The following SLC4A4 variants were observed in gnomAD, a reference collection of about 807,000 sequenced individuals.
SLC4A4 encodes the protein solute carrier family 4 member 4, also known as electrogenic sodium bicarbonate cotransporter 1.
SLC4A4 carries 27 observed loss-of-function variants against 111.5 expected under a neutral mutation model. The observed-to-expected ratio is 0.24, with a 90% CI of 0.18 to 0.33. SLC4A4 has a LOEUF of 0.33. Ranked by LOEUF, SLC4A4 falls within the 10% of genes least tolerant of loss-of-function variation. The pLI is 1.00. For synonymous variants in SLC4A4, 443 were observed against 463.4 expected (o/e 0.96, Z 0.57); for missense variants, 909 against 1,315.5 (o/e 0.69, Z 4.78).
chr4:71,427,715 G>A (rs1188691361), intron 7 of SLC4A4, among the ~76,000 whole-genome samples: 2 of 151,982 alleles, frequency 1.3e-5, no homozygotes, highest in East Asian at 1.9e-4. Flanking sequence ...CTGGCATTTG[G>A]GTTAGGGGCA....
At chr4:71,145,748 G>T (rs572268948) in intron 2 of SLC4A4, among the ~76,000 whole-genome samples, 2 of 152,260 alleles carry the variant, frequency 1.3e-5, no homozygotes, top group African/African-American at 2.4e-5. Flanking sequence ...GGTGTTTATA[G>T]TATTCTCTGA....
intron 6 of SLC4A4, among the ~76,000 whole-genome samples, chr4:71,376,156 T>TACACACACACACACACACAC (rs146405766): frequency 5.9e-5 from 8 of 135,520 alleles, no homozygotes; most frequent in Non-Finnish European, 3.1e-5. Flanking sequence ...CCTGTATATA[T>TACACACACACACACACACAC]ACACACACAC....
At chr4:71,359,966 G>A (rs531150344) in intron 6 of SLC4A4, among the ~76,000 whole-genome samples, 3 of 152,256 alleles carry the variant, frequency 2.0e-5, no homozygotes, top group African/African-American at 7.2e-5. Flanking sequence ...TCATTTCATG[G>A]TAGTGTACTG....
chr4:71,519,360 G>A (rs541341397), intron 16 of SLC4A4, among the ~76,000 whole-genome samples: 3 of 152,272 alleles, frequency 2.0e-5, no homozygotes, highest in Admixed American at 1.3e-4. Context: ...CTCAGTCATT[G>A]ATAAATATTG....
At position 71,432,457 on chromosome 4, in the gene SLC4A4, A is replaced by T. The variant is rs74897264; in HGVS notation, c.808-8159A>T. On this transcript the variant is annotated intron_variant, in intron 7 of 25. Transcript: ENST00000264485. ...TTAGGTAATAATAACAGTCTTGGCA[A>T]CTTGATGTTTTTTTAGGCCCTTCCC... Among the ~76,000 whole-genome samples the T allele has an allele frequency of 1.2e-4, 19 of 152,238 alleles. No homozygotes were observed. The East Asian group carries it at 3.7e-3, about 29-fold the overall frequency.
intron 3 of SLC4A4, among the ~76,000 whole-genome samples, chr4:71,273,176 A>G (rs553778123): frequency 6.6e-6 from 1 of 152,338 alleles, no homozygotes; most frequent in East Asian, 1.9e-4. Context: ...AATGTAGAGA[A>G]GTGAGTAATG....
chr4:71,437,060 T>C (rs1407283219), intron 7 of SLC4A4: 3 of 402,910 alleles, frequency 7.4e-6, no homozygotes, highest in African/African-American at 2.1e-5. Context: ...ATTTTAACTA[T>C]CTCATAGCCA....
At chr4:71,349,216 A>T (rs1481905225) in intron 4 of SLC4A4, among the ~76,000 whole-genome samples, 3 of 152,194 alleles carry the variant, frequency 2.0e-5, no homozygotes, top group Admixed American at 2.0e-4. Flanking sequence ...GGTTAATAGG[A>T]TATCTCATAT....
At chr4:71,407,996 T>C (rs1245751163) in intron 7 of SLC4A4, among the ~76,000 whole-genome samples, 1 of 152,222 alleles carries the variant, frequency 6.6e-6, no homozygotes, top group Non-Finnish European at 1.5e-5. Flanking sequence ...TTTAGTCTGA[T>C]AAATGCACAT....
chr4:71,483,202 C>T (rs1405894122), intron 14 of SLC4A4, among the ~76,000 whole-genome samples: 1 of 151,544 alleles, frequency 6.6e-6, no homozygotes, highest in African/African-American at 2.4e-5. Flanking sequence ...GTTCGGGATA[C>T]ATGTGCAGGT....
intron 2 of SLC4A4, among the ~76,000 whole-genome samples, chr4:71,244,209 C>T (rs937993237): frequency 1.3e-5 from 2 of 152,152 alleles, no homozygotes; most frequent in Non-Finnish European, 2.9e-5. Context: ...TTTTTACTCG[C>T]TTTTATTCCT....
chr4:71,353,836 G>C (rs896999937), intron 5 of SLC4A4, among the ~76,000 whole-genome samples: 1 of 152,172 alleles, frequency 6.6e-6, no homozygotes, highest in Admixed American at 6.5e-5. Flanking sequence ...CCCCTCACCA[G>C]CCTGCCTCTG....
intron 3 of SLC4A4, among the ~76,000 whole-genome samples, chr4:71,301,536 G>A (rs1725256890): frequency 6.6e-6 from 1 of 152,208 alleles, no homozygotes. Context: ...TGACAGCCAG[G>A]GAATCCAGAT....
intron 1 of SLC4A4, among the ~76,000 whole-genome samples, chr4:71,210,998 G>A (rs183281217): frequency 6.6e-6 from 1 of 152,258 alleles, no homozygotes; most frequent in East Asian, 1.9e-4. Context: ...AAGACTTCGA[G>A]CCAAAATATG....
At chr4:71,069,127 A>AT (rs1328404578) in intron 1 of SLC4A4, among the ~76,000 whole-genome samples, 2 of 152,182 alleles carry the variant, frequency 1.3e-5, no homozygotes, top group Non-Finnish European at 2.9e-5. Context: ...GAGAATCATT[A>AT]TTTTTTTCAG....
At chr4:71,516,198 C>T (rs1468076649) in intron 16 of SLC4A4, among the ~76,000 whole-genome samples, 1 of 139,274 alleles carries the variant, frequency 7.2e-6, no homozygotes, top group Non-Finnish European at 1.5e-5. Context: ...CGGGTTCACG[C>T]CATTCTCCTG....
At chr4:71,268,075 G>GTTTTT (rs10657146) in intron 3 of SLC4A4, among the ~76,000 whole-genome samples, 5,465 of 87,418 alleles carry the variant, frequency 0.063, 718 homozygotes, top group Middle Eastern at 0.083. Context: ...ATAAAGTAGT[G>GTTTTT]TTTTTTTTTT....
rs554674941 is a variant in SLC4A4 at position 71,276,815 on chromosome 4, A to G, written c.253+21416A>G. Among the ~76,000 whole-genome samples, 5 of 152,148 alleles carry G rather than the reference A, an allele frequency of 3.3e-5. No individual in the cohort carries two copies. In the South Asian group the frequency reaches 8.3e-4, roughly 25 times the overall value. On this transcript the variant is annotated intron_variant, in intron 3 of 25. Coordinates refer to ENST00000264485, the MANE Select transcript of SLC4A4 (RefSeq NM_001098484.3). The stretch of plus-strand genomic sequence containing the variant: ...GTAGTCCCAGCACTTTGAGAGGTGG[A>G]GGTAGGTGGATCCCTTGAGCCCAGG...
chr4:71,466,393 G>C (rs1331164871), intron 12 of SLC4A4, 51 bp from the exon 13 acceptor site: 4 of 1,608,294 alleles, frequency 2.5e-6, no homozygotes, highest in Admixed American at 1.7e-5. Context: ...CATCACAAAT[G>C]AGAAGAAAAA....
Sources: gnomAD v4.1 joint callset for allele counts (sites outside exome capture counted in the v4.1 genomes callset) on GRCh38, gnomAD v4.1.1 for gene constraint, MANE v1.5 for transcripts, NCBI Gene and HGNC (gene_info 2026-07-23, HGNC 2026-07-21) for gene names.